The following USP34 variants were observed in gnomAD, a reference collection of about 807,000 sequenced individuals.
USP34 encodes the protein ubiquitin carboxyl-terminal hydrolase 34.
In USP34, 70 loss-of-function variants were observed where a neutral mutation model predicts 460.3. That is an observed-to-expected ratio of 0.15 (90% confidence interval 0.13 to 0.19). USP34 has a LOEUF of 0.19. Ranked by LOEUF, USP34 falls within the 10% of genes least tolerant of loss-of-function variation. The probability of loss-of-function intolerance (pLI) is 1.00; values close to 1 mark genes in which losing one functional copy is unlikely to be tolerated. For synonymous variants in USP34, 1,647 were observed against 1,405.3 expected (o/e 1.17, Z -3.85); for missense variants, 3,985 against 4,236.2 (o/e 0.94, Z 1.65).
At chr2:61,234,356 A>G (rs982094660) in intron 57 of USP34, among the ~76,000 whole-genome samples, 2 of 152,230 alleles carry the variant, frequency 1.3e-5, no homozygotes, top group Non-Finnish European at 2.9e-5. Context: ...TTGCTAACCT[A>G]GAAGTTAAGA....
intron 8 of USP34, among the ~76,000 whole-genome samples, chr2:61,377,158 T>TCC (rs1692822790): frequency 1.3e-5 from 2 of 152,034 alleles, no homozygotes; most frequent in Non-Finnish European, 2.9e-5. Flanking sequence ...ACTGGGAGAA[T>TCC]AAGAACTCTT....
chr2:61,216,938 A>AT (rs1687421873), intron 67 of USP34, among the ~76,000 whole-genome samples: 2 of 151,920 alleles, frequency 1.3e-5, no homozygotes, highest in South Asian at 4.2e-4. Context: ...AAAAAAAAAA[A>AT]GTCATTTGGT....
intron 53 of USP34, among the ~76,000 whole-genome samples, chr2:61,239,358 T>G (rs1425421223): frequency 7.6e-6 from 1 of 132,446 alleles, no homozygotes; most frequent in South Asian, 2.4e-4. Context: ...ACACAGAAGT[T>G]TGAGAACCAC....
intron 1 of USP34, among the ~76,000 whole-genome samples, chr2:61,453,201 A>T (rs1695336311): frequency 6.6e-6 from 1 of 152,178 alleles, no homozygotes; most frequent in East Asian, 1.9e-4. Flanking sequence ...GCTAGAGCCC[A>T]TGAGTTCGAG....
chr2:61,401,298 G>T (rs1470008990), intron 3 of USP34, among the ~76,000 whole-genome samples: 2 of 151,658 alleles, frequency 1.3e-5, no homozygotes, highest in African/African-American at 4.8e-5. Context: ...TCATGCAGAG[G>T]CATGATCATA....
intron 1 of USP34, among the ~76,000 whole-genome samples, chr2:61,463,199 G>C (rs1695658195): frequency 6.6e-6 from 1 of 151,436 alleles, no homozygotes; most frequent in Non-Finnish European, 1.5e-5. Context: ...TCTCAGCCGG[G>C]TACAGCATAC....
chr2:61,432,824 A>C (rs1047522229), intron 1 of USP34, among the ~76,000 whole-genome samples: 2 of 152,134 alleles, frequency 1.3e-5, no homozygotes, highest in African/African-American at 2.4e-5. Context: ...CCATTTCTGC[A>C]CATGACTCTA....
intron 1 of USP34, among the ~76,000 whole-genome samples, chr2:61,461,435 T>C (rs1695597754): frequency 1.3e-5 from 2 of 150,904 alleles, no homozygotes; most frequent in African/African-American, 4.9e-5. Flanking sequence ...AAATCTGAAA[T>C]ACAGAAAAAA....
rs796892461 is a variant in USP34 at position 61,208,164 on chromosome 2, T to TA, written c.8919+734dup. 6 of 152,330 alleles carry TA rather than the reference T, an allele frequency of 3.9e-5. No individual in the cohort carries two copies. In the South Asian group the frequency reaches 1.0e-3, roughly 26 times the overall value. The allele number at this position is 152,330 out of a possible 1,614,324, so 9.4% of individuals were successfully genotyped here. On this transcript the variant is annotated intron_variant, in intron 70 of 79. Transcript: ENST00000398571. Reference sequence around the variant, plus strand: ...CCGCTCAGGGCAAATCGGCCTCTCATACTATTCAAAGTCATCCCTCTGCTC... The same window carrying TA: ...CCGCTCAGGGCAAATCGGCCTCTCATAACTATTCAAAGTCATCCCTCTGCTC...
intron 28 of USP34, 94 bp from the exon 29 acceptor site, chr2:61,301,254 T>A (rs933692441): frequency 6.6e-7 from 1 of 1,513,486 alleles, no homozygotes; most frequent in Non-Finnish European, 8.9e-7. Context: ...AATTTTAATA[T>A]AACAAAGCAA....
chr2:61,447,920 T>C (rs1268085315), intron 1 of USP34, among the ~76,000 whole-genome samples: 1 of 152,186 alleles, frequency 6.6e-6, no homozygotes, highest in African/African-American at 2.4e-5. Flanking sequence ...TTCACCATGT[T>C]GGCCAGGCTG....
chr2:61,339,656 G>C lies in USP34; in HGVS notation c.2526C>G (p.Phe842Leu). 6.6e-7 allele frequency: 1 copy of C among 1,505,132 alleles called. No individual in the cohort carries two copies. The highest frequency in any genetic ancestry group is 8.8e-7 in the Non-Finnish European group (1 of 1,131,368). The allele number at this position is 1,505,132 out of a possible 1,614,324, so 93.2% of individuals were successfully genotyped here. A position where few individuals can be genotyped will look rare whatever the true frequency, so the allele number is the denominator to read the frequency against. ...SQGPVVHKHQ[F>L]NSNAVTDINL... The stretch of plus-strand genomic sequence containing the variant: ...TAATGTCTGTAACAGCATTACTGTT[G>C]AATTGATGTTTATGAACTACAGGTC... Residue 842 changes from phenylalanine to leucine, a missense_variant, in exon 17 of 80, where the codon TTC becomes TTG. By Grantham distance (22) the Phe-to-Leu change is conservative. This residue lies in a region of USP34 where 716 missense variants were observed against 626.2 expected (regional missense o/e 1.14). Transcript: ENST00000398571.
intron 67 of USP34, among the ~76,000 whole-genome samples, chr2:61,217,723 G>A (rs531019301): frequency 6.6e-6 from 1 of 152,320 alleles, no homozygotes; most frequent in African/African-American, 2.4e-5. Flanking sequence ...GGGAGGCCGA[G>A]GTGGGTGGAT....
intron 60 of USP34, 54 bp from the exon 61 acceptor site, chr2:61,228,773 G>T: frequency 6.3e-7 from 1 of 1,592,130 alleles, no homozygotes; most frequent in South Asian, 1.2e-5. Context: ...CAATTAAGTT[G>T]CAAATACTGA....
At chr2:61,341,755 CTTTTTTTT>C (rs896288474) in intron 16 of USP34, among the ~76,000 whole-genome samples, 3 of 91,752 alleles carry the variant, frequency 3.3e-5, no homozygotes, top group African/African-American at 1.2e-4. Context: ...TCAGGTCTTT[CTTTTTTTT>C]TTTTTTTTTT....
chr2:61,222,150 A>C (rs1397586530), intron 65 of USP34, among the ~76,000 whole-genome samples: 1 of 152,244 alleles, frequency 6.6e-6, no homozygotes, highest in Non-Finnish European at 1.5e-5. Flanking sequence ...TCTATTGAAA[A>C]ATTTAGATTA....
intron 1 of USP34, among the ~76,000 whole-genome samples, chr2:61,449,724 G>C (rs1341204434): frequency 6.6e-6 from 1 of 152,136 alleles, no homozygotes; most frequent in Non-Finnish European, 1.5e-5. Flanking sequence ...AGAAAGAATA[G>C]ATTTTTCTAA....
chr2:61,414,981 G>C (rs897091828), intron 2 of USP34, among the ~76,000 whole-genome samples: 1 of 152,158 alleles, frequency 6.6e-6, no homozygotes, highest in East Asian at 1.9e-4. Context: ...GTTGCAGGAG[G>C]GGACCAATTA....
At chr2:61,208,800 A>G in intron 70 of USP34, 99 bp downstream of exon 70, 2 of 795,138 alleles carry the variant, frequency 2.5e-6, no homozygotes, top group Non-Finnish European at 3.7e-6. Flanking sequence ...TGCCACCTGT[A>G]AAACAGTTTA....
Sources: allele counts gnomAD v4.1 joint callset (sites outside exome capture counted in the v4.1 genomes callset), GRCh38; gene constraint gnomAD v4.1.1; regional missense constraint gnomAD v4.1.1; transcripts MANE v1.5; gene names NCBI Gene and HGNC (gene_info 2026-07-23, HGNC 2026-07-21).